The following INSL6 variants were observed in gnomAD, a reference collection of about 807,000 sequenced individuals.
The protein encoded by INSL6 is insulin-like peptide INSL6.
INSL6 carries 16 observed loss-of-function variants against 9.4 expected under a neutral mutation model. That is an observed-to-expected ratio of 1.70 (90% CI 1.15 to 2.59). The LOEUF (loss-of-function observed/expected upper bound fraction) is 2.59, where lower values mean the gene tolerates loss of function less well. Ranked by LOEUF, INSL6 falls within the 30% of genes most tolerant of loss-of-function variation. The pLI is 0.00. For synonymous variants in INSL6, 154 were observed against 96.9 expected (o/e 1.59, Z -3.46); for missense variants, 391 against 257.3 (o/e 1.52, Z -3.56).
At chr9:5,085,452 CT>C in the INSL6 span, 2 of 736,836 alleles carry the variant, frequency 2.7e-6, no homozygotes, top group Admixed American at 1.7e-5. Context: ...TCTTGAAGGT[CT>C]TTTCAAGGTA....
chr9:5,134,706 A>G (rs539422837), intron 2 of INSL6, among the ~76,000 whole-genome samples: 5 of 152,348 alleles, frequency 3.3e-5, no homozygotes, highest in African/African-American at 1.2e-4. Context: ...CATGGAAGGA[A>G]CAACCGGTAC....
At chr9:5,153,663 G>T (rs1391461755) in intron 2 of INSL6, among the ~76,000 whole-genome samples, 1 of 152,118 alleles carries the variant, frequency 6.6e-6, no homozygotes, top group Non-Finnish European at 1.5e-5. Flanking sequence ...AAAGTCACAA[G>T]CATTCTTATA....
chr9:5,180,874 T>C lies in INSL6; in HGVS notation c.289+4440A>G, dbSNP rs146460553. ...GTCATCTTTGTTAGACCCTTATTAGTAGTTCTGCTCTTTGCACTTTGAAGC... is the reference window on the plus strand; with the variant it reads ...GTCATCTTTGTTAGACCCTTATTAGCAGTTCTGCTCTTTGCACTTTGAAGC... On this transcript the variant is annotated intron_variant, in intron 1 of 1. Transcript: ENST00000381641. 5.8e-3 allele frequency among the ~76,000 whole-genome samples: 884 copies of C among 152,280 alleles called. 9 individuals carry two copies. Among genetic ancestry groups the C allele is most frequent in the African/African-American group, 0.02 (845 of 41,540 alleles).
At chr9:5,022,020 G>T in the INSL6 span, 1 of 1,614,096 alleles carries the variant, frequency 6.2e-7, no homozygotes, top group South Asian at 1.1e-5. Context: ...TGACAGAAAT[G>T]GAGGGAACAT....
intron 2 of INSL6, among the ~76,000 whole-genome samples, chr9:5,155,488 C>G (rs537486151): frequency 7.1e-6 from 1 of 141,288 alleles, no homozygotes; most frequent in East Asian, 2.2e-4. Flanking sequence ...AAAAAAAAAA[C>G]CTGGAGGTAC....
chr9:5,115,589 C>T, the INSL6 span, among the ~76,000 whole-genome samples: 4 of 152,298 alleles, frequency 2.6e-5, no homozygotes, highest in South Asian at 8.3e-4. Flanking sequence ...ATAAATCATT[C>T]TACTATAAAG....
downstream of INSL6, among the ~76,000 whole-genome samples, chr9:5,163,365 T>G (rs1389178648): frequency 2.0e-5 from 3 of 152,212 alleles, no homozygotes; most frequent in African/African-American, 7.2e-5. Flanking sequence ...TTAGTTTAGA[T>G]TCACTAAACT....
At chr9:5,084,581 G>GC in the INSL6 span, among the ~76,000 whole-genome samples, 1 of 152,020 alleles carries the variant, frequency 6.6e-6, no homozygotes, top group Non-Finnish European at 1.5e-5. Flanking sequence ...TGTAAAAGGA[G>GC]CCAAGAAACT....
chr9:5,136,043 G>T (rs1252573817), intron 2 of INSL6, among the ~76,000 whole-genome samples: 2 of 152,036 alleles, frequency 1.3e-5, no homozygotes, highest in African/African-American at 2.4e-5. Context: ...ATAAATTCCT[G>T]GACACATACA....
the INSL6 span, chr9:5,085,623 G>T: frequency 2.8e-6 from 2 of 708,484 alleles, no homozygotes; most frequent in Non-Finnish European, 5.3e-6. Flanking sequence ...CTCCAGCAAG[G>T]ACAGCCTTCT....
At chr9:5,184,326 ATCT>A (rs1825520346) in intron 1 of INSL6, among the ~76,000 whole-genome samples, 1 of 152,216 alleles carries the variant, frequency 6.6e-6, no homozygotes, top group Admixed American at 6.5e-5. Flanking sequence ...AAAGGCAGTA[ATCT>A]TCTTCCTATG....
At chr9:5,088,183 G>A in the INSL6 span, among the ~76,000 whole-genome samples, 7 of 152,330 alleles carry the variant, frequency 4.6e-5, no homozygotes, top group South Asian at 1.4e-3. Flanking sequence ...AGAGCAAGTT[G>A]TGGATCAATA....
intron 3 of INSL6, chr9:5,126,424 G>C (rs780942191): frequency 1.2e-6 from 2 of 1,608,650 alleles, no homozygotes; most frequent in Non-Finnish European, 1.7e-6. Context: ...AGATTACCAA[G>C]ACCAGATGGA....
intron 1 of INSL6, among the ~76,000 whole-genome samples, chr9:5,169,874 T>G (rs1017691306): frequency 1.3e-5 from 2 of 152,142 alleles, no homozygotes; most frequent in Non-Finnish European, 2.9e-5. Flanking sequence ...AACAAGTTCT[T>G]AGAGACCTAC....
the INSL6 span, among the ~76,000 whole-genome samples, chr9:5,115,054 C>G: frequency 6.6e-6 from 1 of 152,066 alleles, no homozygotes; most frequent in Non-Finnish European, 1.5e-5. Flanking sequence ...GCAACAAAAG[C>G]CAAAATAGAC....
chr9:5,166,515 G>A (rs1463917156), intron 1 of INSL6, among the ~76,000 whole-genome samples: 1 of 151,982 alleles, frequency 6.6e-6, no homozygotes, highest in Non-Finnish European at 1.5e-5. Context: ...AGTAAATACA[G>A]CCAAGTTTTA....
At chr9:5,097,636 A>G in the INSL6 span, 1 of 128,834 alleles carries the variant, frequency 7.8e-6, no homozygotes, top group Non-Finnish European at 1.5e-5. Flanking sequence ...CTGATTAGCT[A>G]CACTGCGTGG....
At chr9:5,054,357 G>T in the INSL6 span, among the ~76,000 whole-genome samples, 1 of 151,988 alleles carries the variant, frequency 6.6e-6, no homozygotes, top group Non-Finnish European at 1.5e-5. This position sits in a 1 kb window ranked among gnomAD's most constrained non-coding sequence, Gnocchi z 4.9. Flanking sequence ...ATAACTTAGA[G>T]TGTGTGGATA....
the INSL6 span, among the ~76,000 whole-genome samples, chr9:5,006,745 A>C: frequency 6.6e-6 from 1 of 152,296 alleles, no homozygotes; most frequent in Non-Finnish European, 1.5e-5. Context: ...TGACCCAGTC[A>C]CCTCTCACCA....
Sources: gnomAD v4.1 joint callset for allele counts (sites outside exome capture counted in the v4.1 genomes callset) on GRCh38, gnomAD v4.1.1 for gene constraint, Gnocchi (gnomAD v3.1) non-coding constraint, MANE v1.5 for transcripts, NCBI Gene and HGNC (gene_info 2026-07-23, HGNC 2026-07-21) for gene names.